CYRIB: variants seen among roughly 807,000 people sequenced by gnomAD.
CYRIB encodes the protein CYFIP-related Rac1 interactor B.
In CYRIB, 8 loss-of-function variants were observed where a neutral mutation model predicts 44.2. The ratio of observed to expected loss-of-function variants is 0.18; its 90% CI spans 0.11 to 0.33. The LOEUF (loss-of-function observed/expected upper bound fraction) is 0.33. Ranked by LOEUF, CYRIB falls within the 10% of genes least tolerant of loss-of-function variation. The probability of loss-of-function intolerance (pLI) is 1.00; values close to 1 mark genes in which losing one functional copy is unlikely to be tolerated. For missense variants in CYRIB, 185 were observed against 382.8 expected (o/e 0.48, Z 4.31); for synonymous variants, 131 against 127.2 (o/e 1.03, Z -0.20).
chr8:129,944,461 T>A (rs2093993457), upstream of CYRIB, among the ~76,000 whole-genome samples: 1 of 152,156 alleles, frequency 6.6e-6, no homozygotes, highest in Non-Finnish European at 1.5e-5. Context: ...TTTTCATTCC[T>A]CTTATCTTCC....
chr8:129,843,611 C>A (rs981274121), intron 11 of CYRIB, among the ~76,000 whole-genome samples: 1 of 152,134 alleles, frequency 6.6e-6, no homozygotes, highest in Non-Finnish European at 1.5e-5. Context: ...TATATTACCC[C>A]GGTTGGCCTT....
At chr8:129,908,315 G>A (rs2076445627) in intron 1 of CYRIB, among the ~76,000 whole-genome samples, 1 of 152,034 alleles carries the variant, frequency 6.6e-6, no homozygotes, top group Admixed American at 6.6e-5. Flanking sequence ...ACGATAATTT[G>A]TAACAGGGAG....
intron 1 of CYRIB, among the ~76,000 whole-genome samples, chr8:129,911,630 T>C (rs2078088588): frequency 6.6e-6 from 1 of 151,264 alleles, no homozygotes; most frequent in South Asian, 2.1e-4. Flanking sequence ...TGAAACCCTG[T>C]CCCTCCTAAA....
chr8:129,928,632 C>T (rs1300143538), intron 1 of CYRIB, among the ~76,000 whole-genome samples: 1 of 150,358 alleles, frequency 6.7e-6, no homozygotes, highest in Non-Finnish European at 1.5e-5. Context: ...TATACTCCAG[C>T]CTGAGTGACA....
intron 1 of CYRIB, among the ~76,000 whole-genome samples, chr8:129,978,013 A>C (rs971813631): frequency 1.1e-4 from 17 of 152,088 alleles, no homozygotes; most frequent in African/African-American, 4.1e-4. Flanking sequence ...GGCTCAACAG[A>C]TCCTCCTGCC....
chr8:129,939,963 C>T (rs893585760), upstream of CYRIB: 1 of 152,270 alleles, frequency 6.6e-6, no homozygotes, highest in African/African-American at 2.4e-5. Context: ...CCCGCCCCTC[C>T]CGAAGGGGCG....
intron 2 of CYRIB, 75 bp downstream of exon 2, chr8:129,970,868 C>T (rs1308238775): frequency 6.6e-6 from 1 of 152,074 alleles, no homozygotes; most frequent in African/African-American, 2.4e-5. Context: ...TTAATTTTTC[C>T]TCATAGGAAG....
chr8:129,899,868 G>A (rs527806466), intron 2 of CYRIB, among the ~76,000 whole-genome samples: 1 of 152,302 alleles, frequency 6.6e-6, no homozygotes, highest in Admixed American at 6.5e-5. Context: ...GGTGGTGATG[G>A]CCTTTGTGTA....
chr8:129,928,532 T>C (rs1432418790), intron 1 of CYRIB, among the ~76,000 whole-genome samples: 1 of 151,938 alleles, frequency 6.6e-6, no homozygotes. Flanking sequence ...TGGTGCTGCA[T>C]GCCTGTAGTC....
At chr8:129,862,158 A>G in intron 5 of CYRIB, 71 bp downstream of exon 7, 2 of 1,146,008 alleles carry the variant, frequency 1.7e-6, no homozygotes, top group East Asian at 4.7e-5. Flanking sequence ...ACATAAAAAA[A>G]CTCTAAACTT....
exon 4 of CYRIB, chr8:129,871,393 A>G: frequency 6.2e-7 from 1 of 1,607,468 alleles, no homozygotes; most frequent in Non-Finnish European, 8.5e-7. Context: ...TTTCGTGGCC[A>G]GCTCCTCTGT....
rs575683656 is a variant in CYRIB at position 129,930,227 on chromosome 8, C to T, written c.-50+9381G>A. 4.7e-4 allele frequency among the ~76,000 whole-genome samples: 71 copies of T among 150,584 alleles called. No homozygotes were observed. In the South Asian group the frequency reaches 0.011, roughly 22 times the overall value. Reference sequence around the variant, plus strand: ...CTCTGTCTCAAAAAAAACAAACAAACAAATAAAACTGTTCATTCATCTCTT... The same window carrying T: ...CTCTGTCTCAAAAAAAACAAACAAATAAATAAAACTGTTCATTCATCTCTT... On this transcript the variant is annotated intron_variant, in intron 1 of 11. Transcript: ENST00000519824.
At chr8:129,892,449 T>C (rs1456066328) in intron 2 of CYRIB, among the ~76,000 whole-genome samples, 2 of 152,194 alleles carry the variant, frequency 1.3e-5, no homozygotes, top group South Asian at 2.1e-4. Flanking sequence ...AAGTCCACTG[T>C]CACATTTAAT....
intron 2 of CYRIB, among the ~76,000 whole-genome samples, chr8:129,966,887 G>T (rs1223525909): frequency 3.3e-5 from 5 of 151,870 alleles, no homozygotes. Flanking sequence ...TAGAAACAGG[G>T]TTTCGCCATG....
At chr8:130,004,940 T>C (rs913942438) in intron 1 of CYRIB, among the ~76,000 whole-genome samples, 1 of 152,040 alleles carries the variant, frequency 6.6e-6, no homozygotes, top group Admixed American at 6.6e-5. Context: ...CTAATTTTTG[T>C]ATTTTTAGTG....
At chr8:129,939,020 C>T (rs1192279529) in intron 1 of CYRIB, among the ~76,000 whole-genome samples, 5 of 152,176 alleles carry the variant, frequency 3.3e-5, no homozygotes, top group Non-Finnish European at 7.3e-5. Context: ...ATTAAAAGGA[C>T]AACGCAGTAT....
intron 2 of CYRIB, among the ~76,000 whole-genome samples, chr8:129,897,121 G>A (rs1200188989): frequency 1.3e-5 from 2 of 152,086 alleles, no homozygotes; most frequent in Non-Finnish European, 2.9e-5. Context: ...CAATAAATAA[G>A]AGAATCTCAG....
chr8:129,929,126 C>G (rs2089770701), intron 1 of CYRIB, among the ~76,000 whole-genome samples: 1 of 152,182 alleles, frequency 6.6e-6, no homozygotes, highest in Non-Finnish European at 1.5e-5. Context: ...ATTACTGATA[C>G]ACTCAACATG....
At chr8:129,898,383 T>C (rs1454948661) in intron 2 of CYRIB, among the ~76,000 whole-genome samples, 1 of 152,172 alleles carries the variant, frequency 6.6e-6, no homozygotes, top group African/African-American at 2.4e-5. Context: ...AAAACTTTTT[T>C]AAGAAAAGCA....
Sources: allele counts gnomAD v4.1 joint callset (sites outside exome capture counted in the v4.1 genomes callset), GRCh38; gene constraint gnomAD v4.1.1; transcripts MANE v1.5; gene names NCBI Gene and HGNC (gene_info 2026-07-23, HGNC 2026-07-21).